Variants in NRXN1 observed in about 807,000 individuals in gnomAD.
NRXN1 encodes the protein neurexin 1.
Under a neutral mutation model 150.9 loss-of-function variants are expected in NRXN1, and 39 were observed. The observed-to-expected ratio is 0.26, with a 90% confidence interval of 0.20 to 0.34. The LOEUF is 0.34. NRXN1 is among the 10% of genes least tolerant of loss of function. The pLI is 1.00. For synonymous variants in NRXN1, 924 were observed against 757.0 expected, an observed-to-expected ratio of 1.22 and a Z score of -3.62; for missense variants, 1,815 against 1,949.9, an observed-to-expected ratio of 0.93 and a Z score of 1.30.
intron 8 of NRXN1, among the ~76,000 whole-genome samples, chr2:50,591,840 C>T (rs1425749815): frequency 3.3e-5 from 5 of 152,340 alleles, no homozygotes; most frequent in South Asian, 2.1e-4. Flanking sequence ...GCGAAGATTT[C>T]GGCTTGGCTT....
intron 17 of NRXN1, among the ~76,000 whole-genome samples, chr2:50,255,661 G>A (rs1420785049): frequency 6.6e-6 from 1 of 152,098 alleles, no homozygotes; most frequent in Non-Finnish European, 1.5e-5. Flanking sequence ...CAGAGGTGAA[G>A]CAGGCTTCCA....
chr2:50,814,072 TA>T (rs1186867113), intron 5 of NRXN1, among the ~76,000 whole-genome samples: 2 of 152,168 alleles, frequency 1.3e-5, no homozygotes, highest in Non-Finnish European at 2.9e-5. Context: ...TTGTCCACAG[TA>T]GGTAAGTATG....
chr2:50,649,340 C>A (rs1377507564), intron 5 of NRXN1, among the ~76,000 whole-genome samples: 1 of 151,620 alleles, frequency 6.6e-6, no homozygotes, highest in Non-Finnish European at 1.5e-5. Flanking sequence ...GCTGTTTTCT[C>A]TGAGATTTCT....
chr2:50,073,091 T>G (rs1267066015), intron 19 of NRXN1, among the ~76,000 whole-genome samples: 6 of 152,232 alleles, frequency 3.9e-5, no homozygotes, highest in Non-Finnish European at 7.3e-5. Flanking sequence ...GAACTTGATC[T>G]TGAATTACAA....
chr2:50,875,027 T>C (rs1167342752), intron 5 of NRXN1, among the ~76,000 whole-genome samples: 1 of 151,834 alleles, frequency 6.6e-6, no homozygotes, highest in Non-Finnish European at 1.5e-5. Context: ...GAATATAAAA[T>C]ATTTTATACT....
chr2:50,137,367 T>G (rs1306048975), intron 18 of NRXN1, among the ~76,000 whole-genome samples: 1 of 152,142 alleles, frequency 6.6e-6, no homozygotes, highest in East Asian at 1.9e-4. Context: ...TACTACCGTT[T>G]GGAGATCACG....
chr2:50,028,054 T>C (rs1386105461), intron 21 of NRXN1, among the ~76,000 whole-genome samples: 5 of 151,652 alleles, frequency 3.3e-5, no homozygotes, highest in African/African-American at 1.2e-4. Flanking sequence ...AGAGAGGCTG[T>C]GGAGAAAAAA....
At chr2:50,280,367 G>A (rs2071266725) in intron 17 of NRXN1, among the ~76,000 whole-genome samples, 1 of 151,448 alleles carries the variant, frequency 6.6e-6, no homozygotes, top group African/African-American at 2.4e-5. Context: ...TAATAAGATT[G>A]TTTTAAATAA....
chr2:50,220,963 C>T (rs924805556), intron 18 of NRXN1, among the ~76,000 whole-genome samples: 1 of 151,958 alleles, frequency 6.6e-6, no homozygotes, highest in Non-Finnish European at 1.5e-5. Flanking sequence ...CTGATACTTG[C>T]CGAGCAGATG....
At chr2:50,141,649 C>G (rs929345961) in intron 18 of NRXN1, among the ~76,000 whole-genome samples, 1 of 151,894 alleles carries the variant, frequency 6.6e-6, no homozygotes, top group Non-Finnish European at 1.5e-5. Flanking sequence ...GACAAAGAAT[C>G]TGAAAAGACA....
rs568941465 is a variant in NRXN1 at position 50,284,236 on chromosome 2, G to A, written c.3365-47266C>T. 2.0e-5 allele frequency among the ~76,000 whole-genome samples: 3 copies of A among 152,262 alleles called. No individual in the cohort carries two copies. The South Asian group carries it at 6.2e-4, about 32-fold the overall frequency. On this transcript the variant is annotated intron_variant, in intron 17 of 22. Coordinates refer to ENST00000401669, the MANE Select transcript of NRXN1 (RefSeq NM_001330078.2). ...ATAACATTTCAGTTCCTTAAAAGTGGTATTTCTCTTCATGTCTTAATCCAA... is the reference window on the plus strand; with the variant it reads ...ATAACATTTCAGTTCCTTAAAAGTGATATTTCTCTTCATGTCTTAATCCAA...
chr2:50,233,521 A>G (rs950185534), intron 18 of NRXN1, among the ~76,000 whole-genome samples: 1 of 152,068 alleles, frequency 6.6e-6, no homozygotes, highest in African/African-American at 2.4e-5. Flanking sequence ...ATAGCAGTAT[A>G]TATTTCAGCA....
At chr2:50,280,845 TG>T (rs1004664395) in intron 17 of NRXN1, among the ~76,000 whole-genome samples, 15 of 152,098 alleles carry the variant, frequency 9.9e-5, no homozygotes, top group Non-Finnish European at 1.9e-4. Flanking sequence ...TTCCTGTTTT[TG>T]TTTGGTTTGG....
chr2:50,682,969 C>A (rs1323663784), intron 5 of NRXN1, among the ~76,000 whole-genome samples: 4 of 151,926 alleles, frequency 2.6e-5, no homozygotes, highest in African/African-American at 9.7e-5. Context: ...TAGGTCTATA[C>A]ACAAATATTC....
chr2:50,294,688 G>T (rs149762101), intron 17 of NRXN1, among the ~76,000 whole-genome samples: 1 of 152,158 alleles, frequency 6.6e-6, no homozygotes, highest in African/African-American at 2.4e-5. Flanking sequence ...AACCCTGAAG[G>T]ATGAGGTACA....
intron 5 of NRXN1, among the ~76,000 whole-genome samples, chr2:50,801,012 G>T (rs1194667809): frequency 2.0e-5 from 3 of 151,968 alleles, no homozygotes; most frequent in Non-Finnish European, 4.4e-5. Flanking sequence ...GAGATTTTTT[G>T]AATGACTTCT....
At chr2:50,004,645 C>A (rs965193115) in intron 21 of NRXN1, among the ~76,000 whole-genome samples, 1 of 152,008 alleles carries the variant, frequency 6.6e-6, no homozygotes, top group East Asian at 1.9e-4. Flanking sequence ...CACTTTCTAC[C>A]TTCCTTTGCC....
At chr2:50,468,411 A>C (rs1197300518) in intron 16 of NRXN1, among the ~76,000 whole-genome samples, 1 of 151,590 alleles carries the variant, frequency 6.6e-6, no homozygotes, top group Non-Finnish European at 1.5e-5. Flanking sequence ...TTGCCTGACA[A>C]GACACATTTT....
At chr2:50,776,109 A>T (rs560859633) in intron 5 of NRXN1, among the ~76,000 whole-genome samples, 34 of 152,236 alleles carry the variant, frequency 2.2e-4, no homozygotes, top group African/African-American at 7.7e-4. Context: ...AACAACATAT[A>T]TCCCTTCACA....
Sources: allele counts gnomAD v4.1 joint callset (sites outside exome capture counted in the v4.1 genomes callset), GRCh38; gene constraint gnomAD v4.1.1; transcripts MANE v1.5; gene names NCBI Gene and HGNC (gene_info 2026-07-23, HGNC 2026-07-21).